Variants in NUP155 observed in about 807,000 individuals in gnomAD.
NUP155 encodes nuclear pore complex protein Nup155.
A neutral mutation model predicts 180.4 loss-of-function variants in NUP155; 71 were observed. That is an observed-to-expected ratio of 0.39 (90% CI 0.33 to 0.48). The LOEUF (loss-of-function observed/expected upper bound fraction) is 0.48, where lower values mean the gene tolerates loss of function less well. Among genes scored for constraint, NUP155 ranks in the 20% least tolerant of loss-of-function variants. NUP155 has a pLI of 0.91. For missense variants in NUP155, 1,553 were observed against 1,648.9 expected (o/e 0.94, Z 1.01); for synonymous variants, 582 against 559.5 (o/e 1.04, Z -0.57).
rs1561817174 is a variant in NUP155 at position 37,363,993 on chromosome 5, G to A, written c.296-9C>T. ...GCAATTACACTGCATATCTGAGGTA[G>A]TGTGGATGTAAGGCAGACAGAGGTG... On this transcript the variant is annotated splice_polypyrimidine_tract_variant and intron_variant, in intron 2 of 34. Coordinates refer to ENST00000231498, the MANE Select transcript of NUP155 (RefSeq NM_153485.3). The A allele has an allele frequency of 6.3e-7, 1 of 1,590,924 alleles. No individual in the cohort carries two copies. The highest frequency in any genetic ancestry group is 1.3e-5 in the African/African-American group (1 of 74,564).
At position 37,288,619 on chromosome 5, in the gene NUP155, G is replaced by T. The variant is rs1456347163; in HGVS notation, c.*3281C>A. On this transcript the variant is annotated 3_prime_UTR_variant, in exon 35 of 35. Coordinates refer to ENST00000231498, the MANE Select transcript of NUP155 (RefSeq NM_153485.3). ...TAATAGTCACTATAAAGAAATAATG[G>T]ACAGGCATGGTGGCTCATGCCTATA... The T allele has an allele frequency of 1.3e-5, 2 of 151,948 alleles. No homozygotes were observed. Among genetic ancestry groups the T allele is most frequent in the African/African-American group, 4.8e-5 (2 of 41,368 alleles). 9.4% of individuals were successfully genotyped at this position (151,948 alleles called of 1,614,324 possible).
At chr5:37,346,602 G>A (rs904914347) in intron 9 of NUP155, among the ~76,000 whole-genome samples, 5 of 151,926 alleles carry the variant, frequency 3.3e-5, no homozygotes, top group Admixed American at 1.3e-4. Flanking sequence ...AACCCGGGAG[G>A]TGGAGGTTGT....
intron 1 of NUP155, 112 bp downstream of exon 1, chr5:37,370,709 G>A: frequency 6.2e-7 from 1 of 1,611,066 alleles, no homozygotes; most frequent in Non-Finnish European, 8.5e-7. Flanking sequence ...GCAGCCAACA[G>A]TGCCATAAAT....
intron 13 of NUP155, among the ~76,000 whole-genome samples, chr5:37,332,034 A>T (rs867988633): frequency 5.3e-5 from 8 of 152,178 alleles, no homozygotes; most frequent in Middle Eastern, 3.4e-3. Context: ...CTACTTCTCT[A>T]CTCAACCTCC....
chr5:37,329,707 A>G (rs1274801794), intron 15 of NUP155, among the ~76,000 whole-genome samples: 2 of 152,232 alleles, frequency 1.3e-5, no homozygotes, highest in African/African-American at 2.4e-5. Context: ...CTTCAATACT[A>G]ATGATACATA....
chr5:37,370,718 A>G, intron 1 of NUP155, 103 bp downstream of exon 1: 1 of 1,611,694 alleles, frequency 6.2e-7, no homozygotes, highest in Non-Finnish European at 8.5e-7. Context: ...AGTGCCATAA[A>G]TCTCAGCATA....
chr5:37,328,380 G>C lies in NUP155; in HGVS notation c.1854C>G (p.Ser618=), dbSNP rs73749020. The change falls in exon 17 of 35, where the codon TCC becomes TCG. Residue 618 remains serine (S), a synonymous_variant. Coordinates refer to ENST00000231498, the MANE Select transcript of NUP155 (RefSeq NM_153485.3). The stretch of plus-strand genomic sequence containing the variant: ...TACCATGAGACGGTGTTCCCAAAAA[G>C]GATGGATTTGGATAGGGACTACCAC... ...VPSGSPYPNP[S]FLGTPSHGIQ... 5.6e-6 allele frequency: 9 copies of C among 1,609,472 alleles called. No homozygotes were observed. In the African/African-American group the frequency reaches 1.1e-4, roughly 19 times the overall value.
In NUP155 at chr5:37,351,066, T is replaced by C. The variant is rs75147333; in HGVS notation, c.723+124A>G. 0.044 allele frequency: 35,702 copies of C among 809,676 alleles called. 967 individuals carry two copies. Among genetic ancestry groups the C allele is most frequent in the South Asian group, 0.083 (5,046 of 61,136 alleles). 50.2% of individuals were successfully genotyped at this position (809,676 alleles called of 1,614,324 possible). On this transcript the variant is annotated intron_variant, in intron 6 of 34. Coordinates refer to ENST00000231498, the MANE Select transcript of NUP155 (RefSeq NM_153485.3). ...GTCATGGGGACTACAGCTTCAACTG[T>C]ATGCTTGAATATTTACCATAAAAAT... is the stretch of plus-strand genomic sequence containing the variant.
At chr5:37,305,309 T>G (rs1743092090) in intron 25 of NUP155, 99 bp from the exon 26 acceptor site, 2 of 1,066,104 alleles carry the variant, frequency 1.9e-6, no homozygotes, top group Admixed American at 1.9e-5. Context: ...CATAGGGAAG[T>G]CAAGGTAGGA....
chr5:37,357,382 G>A (rs980981609), intron 4 of NUP155, among the ~76,000 whole-genome samples: 2 of 85,716 alleles, frequency 2.3e-5, no homozygotes, highest in Non-Finnish European at 4.1e-5. Context: ...GGGTGATAGA[G>A]TATAAGACCT....
intron 22 of NUP155, among the ~76,000 whole-genome samples, chr5:37,312,221 T>C (rs1176657278): frequency 2.6e-5 from 4 of 152,208 alleles, no homozygotes; most frequent in African/African-American, 9.7e-5. Context: ...ACCTTTTGTA[T>C]CTTCTAACAG....
intron 3 of NUP155, among the ~76,000 whole-genome samples, chr5:37,359,488 A>G (rs952547824): frequency 6.6e-6 from 1 of 152,110 alleles, no homozygotes; most frequent in African/African-American, 2.4e-5. Flanking sequence ...AAAAATCTCC[A>G]GTAAACCAAC....
At chr5:37,301,361 CA>C in intron 30 of NUP155, 75 bp downstream of exon 30, 1 of 930,948 alleles carries the variant, frequency 1.1e-6, no homozygotes, top group African/African-American at 1.6e-5. Context: ...CCCCATGAAA[CA>C]AAAAGCAAAA....
chr5:37,342,718 G>T, intron 9 of NUP155, 72 bp from the exon 10 acceptor site: 2 of 1,023,030 alleles, frequency 2.0e-6, no homozygotes, highest in Non-Finnish European at 1.5e-6. Context: ...TTTCCCATCA[G>T]AATGTTTACA....
intron 3 of NUP155, among the ~76,000 whole-genome samples, chr5:37,361,658 G>C (rs1396890429): frequency 1.3e-5 from 2 of 152,104 alleles, no homozygotes; most frequent in Admixed American, 6.6e-5. Flanking sequence ...TTATCATCCA[G>C]GTGGAATTAG....
intron 32 of NUP155, among the ~76,000 whole-genome samples, chr5:37,296,974 C>T (rs537574632): frequency 5.8e-4 from 88 of 152,096 alleles, no homozygotes; most frequent in Middle Eastern, 6.8e-3. Flanking sequence ...GTCAGGAGTT[C>T]GAGACCAGCC....
At position 37,288,739 on chromosome 5, in the gene NUP155, CA is replaced by C. The variant is rs1321933945; in HGVS notation, c.*3160del. On this transcript the variant is annotated 3_prime_UTR_variant, in exon 35 of 35. Transcript: ENST00000231498. Reference sequence around the variant, plus strand: ...AACAGAGTGAGATCTTTTGGCTACACAAAAAATTAAAAAAAAAAAAAAAAAA... The same window carrying C: ...AACAGAGTGAGATCTTTTGGCTACACAAAAATTAAAAAAAAAAAAAAAAAA... The C allele has an allele frequency of 5.9e-5, 4 of 68,286 alleles. No individual in the cohort carries two copies. The highest frequency in any genetic ancestry group is 2.0e-4 in the African/African-American group (2 of 9,824). The allele number at this position is 68,286 out of a possible 1,614,324, so 4.2% of individuals were successfully genotyped here. A position where few individuals can be genotyped will look rare whatever the true frequency, so the allele number is the denominator to read the frequency against.
intron 3 of NUP155, 21 bp from the exon 4 acceptor site, chr5:37,358,172 A>G (rs201161498): frequency 1.3e-6 from 2 of 1,549,756 alleles, no homozygotes; most frequent in Non-Finnish European, 1.8e-6. Context: ...ATGAAGAAAA[A>G]CATGTTACAC....
At position 37,289,945 on chromosome 5, in the gene NUP155, A is replaced by G. The variant is rs774430405; in HGVS notation, c.*1955T>C. ...AACTTAAGAAACTGAAAAGTTGAAA[A>G]ATAAGAGGTAGTAGTACCCACTGAG... On this transcript the variant is annotated 3_prime_UTR_variant, in exon 35 of 35. Coordinates refer to ENST00000231498, the MANE Select transcript of NUP155 (RefSeq NM_153485.3). 6.6e-5 allele frequency: 10 copies of G among 152,210 alleles called. No homozygotes were observed. Among genetic ancestry groups the G allele is most frequent in the Non-Finnish European group, 1.5e-4 (10 of 68,034 alleles). 9.4% of individuals were successfully genotyped at this position (152,210 alleles called of 1,614,324 possible).
Sources: gnomAD v4.1 joint callset for allele counts (sites outside exome capture counted in the v4.1 genomes callset) on GRCh38, gnomAD v4.1.1 for gene constraint, MANE v1.5 for transcripts, NCBI Gene and HGNC (gene_info 2026-07-23, HGNC 2026-07-21) for gene names.